BRD2: variants seen among roughly 807,000 people sequenced by gnomAD.
BRD2 encodes bromodomain-containing protein 2.
Under a neutral mutation model 79.1 loss-of-function variants are expected in BRD2, and 15 were observed. That is an observed-to-expected ratio of 0.19 (90% CI 0.13 to 0.29). The LOEUF (loss-of-function observed/expected upper bound fraction) is 0.29, where lower values mean the gene tolerates loss of function less well. Ranked by LOEUF, BRD2 falls within the 10% of genes least tolerant of loss-of-function variation. The pLI, the probability that BRD2 is intolerant of heterozygous loss-of-function variation, is 1.00. For missense variants in BRD2, 1,053 were observed against 991.3 expected (o/e 1.06, Z -0.84); for synonymous variants, 488 against 358.6 (o/e 1.36, Z -4.08).
intron 1 of BRD2, chr6:32,971,316 TGGGGA>T (rs1777945564): frequency 3.0e-6 from 1 of 335,452 alleles, no homozygotes; most frequent in Non-Finnish European, 5.4e-6. Flanking sequence ...TAGGTGTGAG[TGGGGA>T]GGGATTAGAA....
Position 32,972,683 on chromosome 6 carries a change from C to T in BRD2, c.-216C>T. 1 of 649,722 alleles carries T rather than the reference C, an allele frequency of 1.5e-6. No homozygotes were observed. Among genetic ancestry groups the T allele is most frequent in the Non-Finnish European group, 2.6e-6 (1 of 380,258 alleles). The allele number at this position is 649,722 out of a possible 1,614,324, so 40.2% of individuals were successfully genotyped here. On this transcript the variant is annotated 5_prime_UTR_variant, in exon 2 of 13. Transcript: ENST00000374825. ...GAGGCCGCCGCCATTTTCTTGCTGT[C>T]CGCCGTCTGCAGAGCGCGCCAAGCT...
Position 32,974,646 on chromosome 6 carries a change from C to T in BRD2, c.214C>T (p.Pro72Ser), listed in dbSNP as rs774802785. 5 of 1,614,110 alleles carry T rather than the reference C, an allele frequency of 3.1e-6. No homozygotes were observed. In the East Asian group the frequency reaches 8.9e-5, roughly 29 times the overall value. Residue 72 changes from proline to serine, a missense_variant, in exon 3 of 13, where the codon CCA becomes TCA. By Grantham distance (74) the Pro-to-Ser change is moderately conservative. Coordinates refer to ENST00000374825, the MANE Select transcript of BRD2 (RefSeq NM_005104.4). ...PPPEVSNPKKPGRVTNQLQYL... is the reference protein window; with the variant it reads ...PPPEVSNPKKSGRVTNQLQYL... ...CCCGGAGGTGTCCAATCCCAAAAAG[C>T]CAGGACGAGTTACCAACCAGCTGCA...
At position 32,977,753 on chromosome 6, in the gene BRD2, G is replaced by T. The variant is rs3097644; in HGVS notation, c.1330-4G>T. On this transcript the variant is annotated splice_region_variant and splice_polypyrimidine_tract_variant and intron_variant, in intron 8 of 12. Transcript: ENST00000374825. Reference sequence around the variant, plus strand: ...CATAGTTTTGAGTTTGTGCCTCTTTGTAGGATGTATTTGAGTTCCGTTATG... The same window carrying T: ...CATAGTTTTGAGTTTGTGCCTCTTTTTAGGATGTATTTGAGTTCCGTTATG... 6.2e-7 allele frequency: 1 copy of T among 1,612,902 alleles called. No individual in the cohort carries two copies.
chr6:32,976,911 A>T lies in BRD2; in HGVS notation c.1175A>T (p.His392Leu), dbSNP rs748456163. The T allele has an allele frequency of 1.1e-5, 18 of 1,611,870 alleles. No homozygotes were observed. The South Asian group carries it at 1.3e-4, about 12-fold the overall frequency. The change falls in exon 7 of 13, where the codon CAC becomes CTC. Residue 392 changes from histidine to leucine, a missense_variant. By Grantham distance (99) the His-to-Leu change is moderately conservative. Transcript: ENST00000374825. ...CATGACTACCATGACATCATTAAGC[A>T]CCCCATGGACCTCAGCACTGTCAAG... is the stretch of plus-strand genomic sequence containing the variant. The part of the protein sequence containing the change: ...GLHDYHDIIK[H>L]PMDLSTVKRK...
intron 1 of BRD2, chr6:32,970,533 C>T (rs116409526): frequency 0.042 from 6,358 of 152,570 alleles, 239 homozygotes; most frequent in African/African-American, 0.093. Context: ...GGGAATCTTA[C>T]CGTATATTTG....
Position 32,980,068 on chromosome 6 carries a change from C to T in BRD2, c.2082C>T (p.Ser694=). Residue 694 remains serine (S), a synonymous_variant, in exon 11 of 13, where the codon TCC becomes TCT. Coordinates refer to ENST00000374825, the MANE Select transcript of BRD2 (RefSeq NM_005104.4). ...IEIDFETLKP[S]TLRELERYVL... ...TTGATTTTGAAACACTCAAGCCATCCACACTTAGAGAGCTTGAGCGCTATG... is the reference window on the plus strand; with the variant it reads ...TTGATTTTGAAACACTCAAGCCATCTACACTTAGAGAGCTTGAGCGCTATG... 1 of 1,612,848 alleles carries T rather than the reference C, an allele frequency of 6.2e-7. No homozygotes were observed. The highest frequency in any genetic ancestry group is 8.5e-7 in the Non-Finnish European group (1 of 1,179,980).
At chr6:32,969,948 AAG>A (rs1211588601) in intron 1 of BRD2, among the ~76,000 whole-genome samples, 1 of 152,172 alleles carries the variant, frequency 6.6e-6, no homozygotes, top group Admixed American at 6.5e-5. Flanking sequence ...GAAAGGAGGA[AAG>A]AGTTACTTTC....
chr6:32,979,667 C>T, intron 10 of BRD2, 161 bp from the exon 11 acceptor site: 10 of 763,674 alleles, frequency 1.3e-5, no homozygotes, highest in South Asian at 9.9e-5. Flanking sequence ...TGCTCTGTTT[C>T]ACTATACAGT....
chr6:32,975,293 T>G, intron 3 of BRD2, 91 bp from the exon 4 acceptor site: 2 of 1,105,830 alleles, frequency 1.8e-6, no homozygotes, highest in Non-Finnish European at 1.3e-6. Flanking sequence ...GGGGTGTGTG[T>G]GTGTGTGTGT....
Position 32,971,890 on chromosome 6 carries a change from G to A in BRD2, c.-1009G>A, listed in dbSNP as rs1312819307. On this transcript the variant is annotated 5_prime_UTR_variant, in exon 2 of 13. Coordinates refer to ENST00000374825, the MANE Select transcript of BRD2 (RefSeq NM_005104.4). ...CCACCCTCTTTCCCTGGAGTCGGCG[G>A]ACCACAGCTCAGCCAATTGGCTTGG... 1.4e-6 allele frequency: 1 copy of A among 702,668 alleles called. No individual in the cohort carries two copies. The highest frequency in any genetic ancestry group is 2.0e-5 in the Admixed American group (1 of 49,914). 43.5% of individuals were successfully genotyped at this position (702,668 alleles called of 1,614,324 possible). A position where few individuals can be genotyped will look rare whatever the true frequency, so the allele number is the denominator to read the frequency against.
In BRD2 at chr6:32,972,056, C is replaced by T. The variant is rs531345300; in HGVS notation, c.-843C>T. On this transcript the variant is annotated 5_prime_UTR_variant, in exon 2 of 13. Transcript: ENST00000374825. ...CTCCCGCGGAGAGGTGTTCCTTCCC[C>T]TTCGACTCAGCTTCTTCACCCGCGT... The T allele has an allele frequency of 5.7e-6, 4 of 700,460 alleles. No individual in the cohort carries two copies. Among genetic ancestry groups the T allele is most frequent in the East Asian group, 2.7e-5 (1 of 37,190 alleles). 43.4% of individuals were successfully genotyped at this position (700,460 alleles called of 1,614,324 possible).
In BRD2 at chr6:32,974,747, T is replaced by G; in HGVS notation, c.315T>G (p.Ala105=). 6.2e-7 allele frequency: 1 copy of G among 1,613,882 alleles called. No individual in the cohort carries two copies. The highest frequency in any genetic ancestry group is 8.5e-7 in the Non-Finnish European group (1 of 1,179,854). The change falls in exon 3 of 13, where the codon GCT becomes GCG. Residue 105 remains alanine (A), a synonymous_variant. Transcript: ENST00000374825. The part of the protein sequence containing the change: ...FAWPFRQPVD[A]VKLGLPDYHK... ...GGCCATTCCGGCAGCCTGTGGATGC[T>G]GTCAAACTGGGTCTACCGGTGAGTA...
In BRD2 at chr6:32,971,870, C is replaced by G. The variant is rs745977637; in HGVS notation, c.-1029C>G. On this transcript the variant is annotated 5_prime_UTR_variant, in exon 2 of 13. Coordinates refer to ENST00000374825, the MANE Select transcript of BRD2 (RefSeq NM_005104.4). ...GGCTTCCGCACCTCTTCCAACCACCCTCTTTCCCTGGAGTCGGCGGACCAC... is the reference window on the plus strand; with the variant it reads ...GGCTTCCGCACCTCTTCCAACCACCGTCTTTCCCTGGAGTCGGCGGACCAC... 2.9e-6 allele frequency: 2 copies of G among 701,688 alleles called. No individual in the cohort carries two copies. Among genetic ancestry groups the G allele is most frequent in the East Asian group, 2.7e-5 (1 of 37,244 alleles). The allele number at this position is 701,688 out of a possible 1,614,324, so 43.5% of individuals were successfully genotyped here.
intron 7 of BRD2, chr6:32,977,217 A>G: frequency 6.6e-7 from 1 of 1,517,518 alleles, no homozygotes; most frequent in South Asian, 1.2e-5. Flanking sequence ...AAAAACAGGC[A>G]TAGGCCACCT....
At chr6:32,977,173 G>GT (rs767751446) in intron 7 of BRD2, 26 of 1,374,816 alleles carry the variant, frequency 1.9e-5, no homozygotes, top group Non-Finnish European at 2.5e-5. Context: ...AAGTACTAAT[G>GT]TGGCAGTGTT....
In BRD2 at chr6:32,980,960, C is replaced by T. The variant is rs891598362; in HGVS notation, c.*242C>T. 14 of 552,702 alleles carry T rather than the reference C, an allele frequency of 2.5e-5. No homozygotes were observed. In the African/African-American group the frequency reaches 2.6e-4, roughly 10 times the overall value. 34.2% of individuals were successfully genotyped at this position (552,702 alleles called of 1,614,324 possible). A position where few individuals can be genotyped will look rare whatever the true frequency, so the allele number is the denominator to read the frequency against. On this transcript the variant is annotated 3_prime_UTR_variant, in exon 13 of 13. Transcript: ENST00000374825. Reference sequence around the variant, plus strand: ...GAGTGATCTCTTGGACACAGAGCCCCCATTCAAAATGGGGCAGGGCAAGGG... The same window carrying T: ...GAGTGATCTCTTGGACACAGAGCCCTCATTCAAAATGGGGCAGGGCAAGGG...
At chr6:32,969,956 C>T (rs906853111) in intron 1 of BRD2, among the ~76,000 whole-genome samples, 1 of 152,192 alleles carries the variant, frequency 6.6e-6, no homozygotes, top group Admixed American at 6.5e-5. Flanking sequence ...GAAAGAGTTA[C>T]TTTCCCAAAT....
chr6:32,971,345 T>A (rs910588830), intron 1 of BRD2: 1 of 372,128 alleles, frequency 2.7e-6, no homozygotes, highest in Non-Finnish European at 4.8e-6. Flanking sequence ...TGCTTGGACG[T>A]GCAAATTTGG....
Position 32,972,507 on chromosome 6 carries a change from C to G in BRD2, c.-392C>G. The G allele has an allele frequency of 3.0e-6, 1 of 330,982 alleles. No homozygotes were observed. The allele number at this position is 330,982 out of a possible 1,614,324, so 20.5% of individuals were successfully genotyped here. Reference sequence around the variant, plus strand: ...CTTTTCGTGTTCATCCGCCTCCATCCGAGATCGAAACGGGACCTCGTCGGC... The same window carrying G: ...CTTTTCGTGTTCATCCGCCTCCATCGGAGATCGAAACGGGACCTCGTCGGC... On this transcript the variant is annotated 5_prime_UTR_variant, in exon 2 of 13. Transcript: ENST00000374825.
Sources: allele counts gnomAD v4.1 joint callset (sites outside exome capture counted in the v4.1 genomes callset), GRCh38; gene constraint gnomAD v4.1.1; transcripts MANE v1.5; gene names NCBI Gene and HGNC (gene_info 2026-07-23, HGNC 2026-07-21).